The following CMIP variants were observed in gnomAD, a reference collection of about 807,000 sequenced individuals.
The protein encoded by CMIP is C-Maf-inducing protein.
A neutral mutation model predicts 97.3 loss-of-function variants in CMIP; 13 were observed. The ratio of observed to expected loss-of-function variants is 0.13; its 90% CI spans 0.09 to 0.21. CMIP has a LOEUF of 0.21. Among genes scored for constraint, CMIP ranks in the 10% least tolerant of loss-of-function variants. The pLI is 1.00. For synonymous variants in CMIP, 538 were observed against 436.3 expected (o/e 1.23, Z -2.91); for missense variants, 847 against 1,024.9 (o/e 0.83, Z 2.37).
chr16:81,638,005 C>G (rs892813773), intron 3 of CMIP, among the ~76,000 whole-genome samples: 1 of 152,128 alleles, frequency 6.6e-6, no homozygotes, highest in African/African-American at 2.4e-5. Context: ...CTAATCACCC[C>G]CACGAGGCCC....
chr16:81,569,948 C>G (rs1001939033), intron 1 of CMIP, among the ~76,000 whole-genome samples: 3 of 52,236 alleles, frequency 5.7e-5, no homozygotes, highest in Non-Finnish European at 2.7e-4. Flanking sequence ...ACTTAACTTT[C>G]ATTCATTCAT....
intron 1 of CMIP, among the ~76,000 whole-genome samples, chr16:81,503,531 GGACCATA>G (rs1232958605): frequency 2.6e-5 from 4 of 152,156 alleles, no homozygotes; most frequent in African/African-American, 9.7e-5. Flanking sequence ...CGAGTAGGTG[GGACCATA>G]GATACATGCC....
At chr16:81,606,605 A>T (rs13337053) in intron 1 of CMIP, among the ~76,000 whole-genome samples, 10,227 of 152,120 alleles carry the variant, frequency 0.067, 660 homozygotes, top group East Asian at 0.22. Context: ...CATTCTTTTC[A>T]ACACATGCTA....
chr16:81,662,098 C>A (rs890412574), intron 6 of CMIP, among the ~76,000 whole-genome samples: 5 of 152,150 alleles, frequency 3.3e-5, no homozygotes, highest in Admixed American at 1.3e-4. Flanking sequence ...ATCATGCCCC[C>A]AGAAGAGTGG....
At chr16:81,581,766 A>G (rs1447441115) in intron 1 of CMIP, among the ~76,000 whole-genome samples, 2 of 152,216 alleles carry the variant, frequency 1.3e-5, no homozygotes, top group African/African-American at 4.8e-5. Flanking sequence ...TTCCTCACGC[A>G]GACAGCTCTG....
intron 1 of CMIP, among the ~76,000 whole-genome samples, chr16:81,485,967 C>T (rs2089307747): frequency 6.6e-6 from 1 of 152,190 alleles, no homozygotes; most frequent in African/African-American, 2.4e-5. Context: ...GTGAGTGTGT[C>T]ATGGGACCGA....
intron 1 of CMIP, among the ~76,000 whole-genome samples, chr16:81,509,098 A>G (rs1310732575): frequency 6.6e-6 from 1 of 152,196 alleles, no homozygotes; most frequent in Non-Finnish European, 1.5e-5. Context: ...CTCTTCAGAG[A>G]GAAAAAGTGC....
intron 1 of CMIP, among the ~76,000 whole-genome samples, chr16:81,505,358 C>G (rs534063516): frequency 3.0e-4 from 45 of 152,324 alleles, no homozygotes; most frequent in Non-Finnish European, 5.1e-4. Context: ...TCGCTTCTGC[C>G]TGTTCTTGCT....
At chr16:81,548,588 T>G (rs1321747760) in intron 1 of CMIP, among the ~76,000 whole-genome samples, 1 of 151,514 alleles carries the variant, frequency 6.6e-6, no homozygotes, top group Admixed American at 6.6e-5. Flanking sequence ...CACCTGTAAT[T>G]CCAGTTCCTT....
chr16:81,471,016 G>A (rs1327678591), intron 1 of CMIP, among the ~76,000 whole-genome samples: 2 of 151,258 alleles, frequency 1.3e-5, no homozygotes, highest in African/African-American at 4.9e-5. Flanking sequence ...GCACACATGT[G>A]CGCACAAACA....
chr16:81,608,879 C>G (rs937071792), intron 2 of CMIP, among the ~76,000 whole-genome samples: 1 of 152,142 alleles, frequency 6.6e-6, no homozygotes, highest in African/African-American at 2.4e-5. Flanking sequence ...CTTGTTTTTC[C>G]AGGGAAACCT....
intron 1 of CMIP, among the ~76,000 whole-genome samples, chr16:81,535,335 C>T (rs1052319566): frequency 2.6e-5 from 4 of 152,146 alleles, no homozygotes; most frequent in Non-Finnish European, 5.9e-5. Context: ...CAAGGTCACA[C>T]AGCCAAATGC....
chr16:81,636,216 G>A (rs191458026), intron 3 of CMIP, among the ~76,000 whole-genome samples: 3 of 152,142 alleles, frequency 2.0e-5, no homozygotes, highest in East Asian at 3.9e-4. Context: ...TGAAAAATCG[G>A]ATTATCCATC....
At chr16:81,536,143 A>C (rs1392602138) in intron 1 of CMIP, among the ~76,000 whole-genome samples, 1 of 152,180 alleles carries the variant, frequency 6.6e-6, no homozygotes, top group Non-Finnish European at 1.5e-5. Context: ...TTTCCCTGTA[A>C]AACCTTTGAA....
chr16:81,691,901 C>T, intron 11 of CMIP, 61 bp downstream of exon 11: 2 of 1,428,120 alleles, frequency 1.4e-6, no homozygotes, highest in Non-Finnish European at 9.9e-7. Flanking sequence ...AGTTGTCCAC[C>T]AAGGCCTTAG....
chr16:81,660,968 G>C lies in CMIP; in HGVS notation c.744+22G>C, dbSNP rs570993196. 15 of 1,613,948 alleles carry C rather than the reference G, an allele frequency of 9.3e-6. No individual in the cohort carries two copies. In the East Asian group the frequency reaches 3.3e-4, roughly 36 times the overall value. ...CAAGGTACGGGATTGCTGAGCTGGGGCTGTGGCTGCAGGAAGTAACCTCCC... is the reference window on the plus strand; with the variant it reads ...CAAGGTACGGGATTGCTGAGCTGGGCCTGTGGCTGCAGGAAGTAACCTCCC... On this transcript the variant is annotated intron_variant, in intron 6 of 20. Transcript: ENST00000537098.
At chr16:81,668,989 ACACTCTCCTCCTTC>A (rs1437762430) in intron 7 of CMIP, among the ~76,000 whole-genome samples, 5 of 113,386 alleles carry the variant, frequency 4.4e-5, no homozygotes. Flanking sequence ...CACCCACCTC[ACACTCTCCTCCTTC>A]CACACCCACC....
At chr16:81,473,995 C>A (rs1263657635) in intron 1 of CMIP, among the ~76,000 whole-genome samples, 1 of 152,060 alleles carries the variant, frequency 6.6e-6, no homozygotes, top group Non-Finnish European at 1.5e-5. Context: ...CTCCTGGGAT[C>A]CCCAGACAGT....
At chr16:81,514,531 T>A (rs192749873) in intron 1 of CMIP, among the ~76,000 whole-genome samples, 2 of 152,142 alleles carry the variant, frequency 1.3e-5, no homozygotes, top group East Asian at 3.8e-4. Context: ...GCAAAATGGG[T>A]GTACTGTGAG....
Sources: allele counts gnomAD v4.1 joint callset (sites outside exome capture counted in the v4.1 genomes callset), GRCh38; gene constraint gnomAD v4.1.1; transcripts MANE v1.5; gene names NCBI Gene and HGNC (gene_info 2026-07-23, HGNC 2026-07-21).